Variants in GALM observed in about 807,000 individuals in gnomAD.
GALM encodes the protein galactose mutarotase, also known as aldose 1-epimerase.
GALM carries 43 observed loss-of-function variants against 37.4 expected under a neutral mutation model. The observed-to-expected ratio is 1.15, with a 90% confidence interval of 0.90 to 1.48. GALM has a LOEUF of 1.48. GALM is among the 40% of genes most tolerant of loss of function. The pLI is 0.00. For synonymous variants in GALM, 199 were observed against 170.6 expected (o/e 1.17, Z -1.30); for missense variants, 456 against 419.1 (o/e 1.09, Z -0.77).
intron 4 of GALM, among the ~76,000 whole-genome samples, chr2:38,728,799 C>T (rs1173991334): frequency 2.0e-5 from 3 of 152,186 alleles, no homozygotes; most frequent in African/African-American, 7.2e-5. Context: ...GTGATTTGGC[C>T]TGCTACAGAG....
chr2:38,726,296 G>A (rs1047960090), intron 4 of GALM, among the ~76,000 whole-genome samples: 1 of 148,670 alleles, frequency 6.7e-6, no homozygotes, highest in African/African-American at 2.5e-5. Context: ...GCGGGATCTC[G>A]GCTCACTGCA....
chr2:38,694,928 AAAGTC>A (rs1226429129), intron 4 of GALM, among the ~76,000 whole-genome samples: 16 of 148,892 alleles, frequency 1.1e-4, no homozygotes, highest in Middle Eastern at 3.5e-3. Context: ...AAAGAAAGGG[AAAGTC>A]AAGGGAAAGT....
intron 1 of GALM, 138 bp downstream of exon 1, chr2:38,666,489 A>G (rs1664941036): frequency 7.9e-6 from 5 of 633,220 alleles, no homozygotes; most frequent in East Asian, 2.9e-5. Context: ...TTGCAAGCGC[A>G]TGCATCATAG....
At chr2:38,719,066 A>T (rs1012190815) in intron 4 of GALM, among the ~76,000 whole-genome samples, 3 of 151,886 alleles carry the variant, frequency 2.0e-5, no homozygotes, top group Admixed American at 1.3e-4. Flanking sequence ...TGTGTGTGGC[A>T]TAAATGTGTC....
At chr2:38,722,029 T>TCCCCCCC (rs1558596017) in intron 4 of GALM, among the ~76,000 whole-genome samples, 2 of 18,676 alleles carry the variant, frequency 1.1e-4, no homozygotes, top group Non-Finnish European at 2.8e-4. Flanking sequence ...ATGCCTTCCC[T>TCCCCCCC]TCCCCCCCCC....
chr2:38,702,198 A>G (rs1665934182), intron 4 of GALM, among the ~76,000 whole-genome samples: 1 of 152,008 alleles, frequency 6.6e-6, no homozygotes, highest in East Asian at 1.9e-4. Context: ...AAAAAAAAAA[A>G]TCTTAAGATC....
chr2:38,679,241 C>T (rs1453725164), intron 2 of GALM, among the ~76,000 whole-genome samples: 2 of 152,190 alleles, frequency 1.3e-5, no homozygotes, highest in African/African-American at 2.4e-5. Context: ...CCCGCCTTGG[C>T]CTCCCAAAGT....
intron 3 of GALM, among the ~76,000 whole-genome samples, chr2:38,681,688 A>G (rs1215504053): frequency 1.3e-5 from 2 of 152,262 alleles, no homozygotes; most frequent in Non-Finnish European, 2.9e-5. Context: ...TTGTACTGCC[A>G]AGAGAAGTAC....
chr2:38,731,756 G>C lies in GALM; in HGVS notation c.798G>C (p.Gly266=). 6.2e-7 allele frequency: 1 copy of C among 1,613,938 alleles called. No individual in the cohort carries two copies. Among genetic ancestry groups the C allele is most frequent in the Non-Finnish European group, 8.5e-7 (1 of 1,179,914 alleles). ...FCARVHHAAS[G]RVLEVYTTQP... ...CCAGGGTGCATCATGCTGCAAGCGG[G>C]CGGGTACTAGAAGTATACACCACCC... Residue 266 remains glycine (G), a synonymous_variant, in exon 6 of 7, where the codon GGG becomes GGC. Transcript: ENST00000272252.
At chr2:38,709,260 G>A (rs1372616180) in intron 4 of GALM, among the ~76,000 whole-genome samples, 1 of 152,156 alleles carries the variant, frequency 6.6e-6, no homozygotes, top group Non-Finnish European at 1.5e-5. Flanking sequence ...TTGTGCCTGT[G>A]CAGGAGAGCA....
intron 4 of GALM, among the ~76,000 whole-genome samples, chr2:38,696,674 G>A (rs1278901894): frequency 1.4e-5 from 2 of 147,888 alleles, no homozygotes; most frequent in African/African-American, 5.0e-5. Flanking sequence ...GTCTCACTAT[G>A]TTGCCCAGGC....
At chr2:38,697,612 A>G (rs1665837684) in intron 4 of GALM, among the ~76,000 whole-genome samples, 1 of 152,194 alleles carries the variant, frequency 6.6e-6, no homozygotes. Context: ...ATGAGAATGT[A>G]GCAACTTTTA....
chr2:38,694,906 A>G (rs1345669184), intron 4 of GALM, among the ~76,000 whole-genome samples: 1 of 151,152 alleles, frequency 6.6e-6, no homozygotes, highest in African/African-American at 2.4e-5. Flanking sequence ...CAAAAAAAAA[A>G]AAAAAACAAA....
intron 4 of GALM, among the ~76,000 whole-genome samples, chr2:38,690,751 G>GGTT (rs1665654806): frequency 1.3e-5 from 2 of 152,140 alleles, no homozygotes. Context: ...CTCTTTAATG[G>GGTT]GTTGAGTTTA....
chr2:38,723,749 C>G (rs1558596643), intron 4 of GALM, among the ~76,000 whole-genome samples: 1 of 151,842 alleles, frequency 6.6e-6, no homozygotes, highest in Non-Finnish European at 1.5e-5. Flanking sequence ...TATGATCAAA[C>G]CACTGCACTC....
At chr2:38,666,548 T>G (rs904727529) in intron 1 of GALM, among the ~76,000 whole-genome samples, 197 bp downstream of exon 1, 1 of 152,194 alleles carries the variant, frequency 6.6e-6, no homozygotes, top group African/African-American at 2.4e-5. Flanking sequence ...ATAAATAAAC[T>G]ATGGCAGTTG....
intron 2 of GALM, among the ~76,000 whole-genome samples, chr2:38,678,596 A>G (rs967921585): frequency 2.0e-5 from 3 of 152,186 alleles, no homozygotes; most frequent in African/African-American, 7.2e-5. Flanking sequence ...TACACATATA[A>G]CAGGCTTCAT....
At chr2:38,675,528 T>TTG (rs1665227492) in intron 1 of GALM, among the ~76,000 whole-genome samples, 5 of 67,258 alleles carry the variant, frequency 7.4e-5, no homozygotes, top group African/African-American at 4.9e-4. Context: ...GTTTTTTTGT[T>TTG]TTTTTTTTTT....
chr2:38,667,894 A>G (rs1371228540), intron 1 of GALM, among the ~76,000 whole-genome samples: 1 of 152,226 alleles, frequency 6.6e-6, no homozygotes, highest in Non-Finnish European at 1.5e-5. Flanking sequence ...ACAGCTGACC[A>G]TAAAGAAATT....
Sources: gnomAD v4.1 joint callset for allele counts (sites outside exome capture counted in the v4.1 genomes callset) on GRCh38, gnomAD v4.1.1 for gene constraint, MANE v1.5 for transcripts, NCBI Gene and HGNC (gene_info 2026-07-23, HGNC 2026-07-21) for gene names.